HEG1: variants seen among roughly 807,000 people sequenced by gnomAD.
HEG1 encodes the protein heart development protein with EGF like domains 1.
Under a neutral mutation model 125.6 loss-of-function variants are expected in HEG1, and 56 were observed. The ratio of observed to expected loss-of-function variants is 0.45; its 90% CI spans 0.36 to 0.56. The LOEUF is 0.56. Ranked by LOEUF, HEG1 falls within the 20% of genes least tolerant of loss-of-function variation. The pLI is 0.00. For synonymous variants in HEG1, 644 were observed against 668.5 expected (o/e 0.96, Z 0.57); for missense variants, 1,523 against 1,670.0 (o/e 0.91, Z 1.53).
chr3:125,007,232 C>A (rs1937085140), intron 8 of HEG1, among the ~76,000 whole-genome samples: 1 of 149,982 alleles, frequency 6.7e-6, no homozygotes, highest in African/African-American at 2.5e-5. Context: ...AAATTCACAT[C>A]GCAAATGTCA....
chr3:124,998,045 T>C (rs7653012), intron 11 of HEG1, among the ~76,000 whole-genome samples: 46,669 of 152,040 alleles, frequency 0.31, 8,089 homozygotes, highest in African/African-American at 0.48. Context: ...TGTGCACCAG[T>C]GTTCCCCGTT....
At chr3:125,042,571 T>C (rs1937602264) in intron 1 of HEG1, among the ~76,000 whole-genome samples, 1 of 152,248 alleles carries the variant, frequency 6.6e-6, no homozygotes, top group Non-Finnish European at 1.5e-5. Flanking sequence ...TAAGTCCCTA[T>C]GATGCTTCTG....
At chr3:125,041,023 A>G (rs1937589986) in intron 1 of HEG1, among the ~76,000 whole-genome samples, 1 of 152,162 alleles carries the variant, frequency 6.6e-6, no homozygotes, top group Non-Finnish European at 1.5e-5. Context: ...TACATAAGTC[A>G]CCTGCCCAGG....
chr3:125,008,669 A>C (rs569831966), intron 8 of HEG1, among the ~76,000 whole-genome samples: 1 of 152,310 alleles, frequency 6.6e-6, no homozygotes, highest in South Asian at 2.1e-4. Context: ...ATGGTGGTGC[A>C]TGCCTGTAAT....
At chr3:125,017,616 A>G (rs1303874540) in intron 5 of HEG1, among the ~76,000 whole-genome samples, 1 of 152,230 alleles carries the variant, frequency 6.6e-6, no homozygotes, top group African/African-American at 2.4e-5. Flanking sequence ...ACTTGTACAC[A>G]GCTGGTGGGA....
intron 3 of HEG1, among the ~76,000 whole-genome samples, chr3:125,022,252 C>G (rs990277369): frequency 6.6e-6 from 1 of 152,074 alleles, no homozygotes; most frequent in Non-Finnish European, 1.5e-5. Flanking sequence ...AAGTACTCTA[C>G]ACTTATATAA....
rs1315218277 is a variant in HEG1, at chr3:124,968,382, T to C, written c.*2270A>G. 2 of 152,376 alleles carry C rather than the reference T, an allele frequency of 1.3e-5. No homozygotes were observed. The highest frequency in any genetic ancestry group is 2.9e-5 in the Non-Finnish European group (2 of 68,182). 9.4% of individuals were successfully genotyped at this position (152,376 alleles called of 1,614,324 possible). A position where few individuals can be genotyped will look rare whatever the true frequency, so the allele number is the denominator to read the frequency against. ...CCTCCTGGAAACTGTGGAGACTGTGTGACCTCAACCTTGTGGGTGCCTCCT... is the reference window on the plus strand; with the variant it reads ...CCTCCTGGAAACTGTGGAGACTGTGCGACCTCAACCTTGTGGGTGCCTCCT... On this transcript the variant is annotated 3_prime_UTR_variant, in exon 17 of 17. Transcript: ENST00000311127.
chr3:125,017,028 A>G (rs1170417698), intron 5 of HEG1, among the ~76,000 whole-genome samples: 2 of 151,974 alleles, frequency 1.3e-5, no homozygotes, highest in Admixed American at 1.3e-4. Flanking sequence ...TATATATTTG[A>G]TAAAGGACTG....
intron 1 of HEG1, among the ~76,000 whole-genome samples, chr3:125,050,347 T>C (rs1330771989): frequency 3.3e-5 from 5 of 152,192 alleles, no homozygotes; most frequent in Non-Finnish European, 1.5e-5. Context: ...TTTCACCATG[T>C]TGGCCAGGCT....
chr3:125,028,067 A>G (rs548567424), intron 2 of HEG1, among the ~76,000 whole-genome samples: 1 of 151,520 alleles, frequency 6.6e-6, no homozygotes, highest in East Asian at 1.9e-4. Context: ...AACAGGTCCT[A>G]TCACTTTTCC....
At chr3:125,032,109 G>C (rs1296535303) in intron 1 of HEG1, among the ~76,000 whole-genome samples, 1 of 152,064 alleles carries the variant, frequency 6.6e-6, no homozygotes, top group Non-Finnish European at 1.5e-5. Flanking sequence ...TGTTTTAGGA[G>C]CCACATCTCA....
Position 125,013,923 on chromosome 3 carries a change from T to C in HEG1, c.1656A>G (p.Thr552=). Residue 552 remains threonine (T), a synonymous_variant, in exon 6 of 17, where the codon ACA becomes ACG. Transcript: ENST00000311127. Reference sequence around the variant, plus strand: ...AAGTAGATGACAGGTAGGTGTGGTCTGTGTGGTCGCTGGAAGTCCTTTGTT... The same window carrying C: ...AAGTAGATGACAGGTAGGTGTGGTCCGTGTGGTCGCTGGAAGTCCTTTGTT... ...AIEQRTSSDH[T]DHTYLSSTFT... 2 of 1,613,188 alleles carry C rather than the reference T, an allele frequency of 1.2e-6. No individual in the cohort carries two copies. Among genetic ancestry groups the C allele is most frequent in the African/African-American group, 1.3e-5 (1 of 74,788 alleles).
intron 14 of HEG1, among the ~76,000 whole-genome samples, chr3:124,983,013 G>C (rs1936679700): frequency 1.3e-5 from 2 of 152,180 alleles, no homozygotes; most frequent in Non-Finnish European, 2.9e-5. Context: ...GAGTGGAGAT[G>C]AGCCATGAGG....
chr3:125,018,984 A>G (rs1937293651), intron 5 of HEG1, among the ~76,000 whole-genome samples: 1 of 149,134 alleles, frequency 6.7e-6, no homozygotes. Context: ...CTCCTGCCTC[A>G]GCCTCCCAAG....
intron 3 of HEG1, among the ~76,000 whole-genome samples, chr3:125,022,996 C>T (rs1937358449): frequency 6.6e-6 from 1 of 152,120 alleles, no homozygotes; most frequent in Admixed American, 6.5e-5. Flanking sequence ...GAGTTTGACA[C>T]CAGCCTGGCC....
chr3:124,992,963 A>C (rs1464572119), intron 12 of HEG1, among the ~76,000 whole-genome samples: 1 of 152,162 alleles, frequency 6.6e-6, no homozygotes, highest in Non-Finnish European at 1.5e-5. Context: ...TGTGGTATTT[A>C]TTTGGGGATG....
rs2107703511 is a variant in HEG1 at position 125,019,454 on chromosome 3, ATGT to A, written c.1393_1395del (p.Thr465del). On this transcript the variant is annotated inframe_deletion, in exon 5 of 17. Coordinates refer to ENST00000311127, the MANE Select transcript of HEG1 (RefSeq NM_020733.2). ...GCAGAGCTTCCTGTCACATCTGCAG[ATGT>A]TGTGCTGTTGGTCAAGAGCCAGTGT... The A allele has an allele frequency of 6.2e-7, 1 of 1,614,018 alleles. No individual in the cohort carries two copies. The highest frequency in any genetic ancestry group is 8.5e-7 in the Non-Finnish European group (1 of 1,179,882).
intron 14 of HEG1, among the ~76,000 whole-genome samples, chr3:124,990,356 T>C (rs373795076): frequency 7.3e-6 from 1 of 137,308 alleles, no homozygotes; most frequent in African/African-American, 2.6e-5. Context: ...TTTTTTTTTT[T>C]AAAACGAAGT....
In HEG1 at chr3:125,027,393, A is replaced by C; in HGVS notation, c.725T>G (p.Leu242Arg). The C allele has an allele frequency of 6.2e-7, 1 of 1,614,034 alleles. No homozygotes were observed. Among genetic ancestry groups the C allele is most frequent in the Non-Finnish European group, 8.5e-7 (1 of 1,179,904 alleles). Residue 242 changes from leucine to arginine, a missense_variant, in exon 3 of 17, where the codon CTG becomes CGG. By Grantham distance (102) the Leu-to-Arg change is moderately radical. Transcript: ENST00000311127. ...GCTGTGCACAGTCCATTCTTCTGAC[A>C]GCCCCATCGCCCTCTCTGTTCCCAT... ...SEMGTERAMGLSEEWTVHSQE... is the reference protein window; with the variant it reads ...SEMGTERAMGRSEEWTVHSQE...
Sources: gnomAD v4.1 joint callset for allele counts (sites outside exome capture counted in the v4.1 genomes callset) on GRCh38, gnomAD v4.1.1 for gene constraint, MANE v1.5 for transcripts, NCBI Gene and HGNC (gene_info 2026-07-23, HGNC 2026-07-21) for gene names.